The following FRMPD4 variants were observed in gnomAD, a reference collection of about 807,000 sequenced individuals.
FRMPD4 encodes FERM and PDZ domain containing 4, also known as FERM and PDZ domain-containing protein 4.
A neutral mutation model predicts 94.1 loss-of-function variants in FRMPD4; 22 were observed. That is an observed-to-expected ratio of 0.23 (90% CI 0.17 to 0.33). The LOEUF is 0.33. FRMPD4 is among the 10% of genes least tolerant of loss of function. The pLI, the probability that FRMPD4 is intolerant of heterozygous loss-of-function variation, is 1.00. For synonymous variants in FRMPD4, 631 were observed against 548.6 expected, an observed-to-expected ratio of 1.15 and a Z score of -2.10; for missense variants, 1,111 against 1,339.9, an observed-to-expected ratio of 0.83 and a Z score of 2.67.
chrX:12,597,309 G>A lies in FRMPD4; in HGVS notation c.159-12412G>A, dbSNP rs778795495. On this transcript the variant is annotated intron_variant, in intron 2 of 16. Transcript: ENST00000675598. Reference sequence around the variant, plus strand: ...ACATTTTGCCAGCTCTCAATTTATCGTCTTTAACGAGGACAAAAATCTCTC... The same window carrying A: ...ACATTTTGCCAGCTCTCAATTTATCATCTTTAACGAGGACAAAAATCTCTC... 1.5e-3 allele frequency among the ~76,000 whole-genome samples: 163 copies of A among 112,249 alleles called. 1 individual carries two copies. The highest frequency in any genetic ancestry group is 4.9e-3 in the African/African-American group (153 of 30,960).
At chrX:11,868,427 C>T (rs1235476101) in intron 2 of FRMPD4, among the ~76,000 whole-genome samples, 1 of 111,715 alleles carries the variant, frequency 9.0e-6, no homozygotes, top group Non-Finnish European at 1.9e-5. Context: ...GATCAGGCCA[C>T]CTATGCATTT....
chrX:12,649,378 G>A (rs1174618327), intron 4 of FRMPD4, among the ~76,000 whole-genome samples: 1 of 111,656 alleles, frequency 9.0e-6, no homozygotes, highest in Non-Finnish European at 1.9e-5. Flanking sequence ...AATTTTTAAT[G>A]ATTGAATAAC....
chrX:11,868,162 G>A (rs150458104), intron 2 of FRMPD4, among the ~76,000 whole-genome samples: 27 of 112,078 alleles, frequency 2.4e-4, no homozygotes, highest in African/African-American at 7.4e-4. Flanking sequence ...GAAAAGATTC[G>A]ATGAATGACT....
At chrX:11,841,722 C>T (rs1292813469) in intron 1 of FRMPD4, among the ~76,000 whole-genome samples, 1 of 107,447 alleles carries the variant, frequency 9.3e-6, no homozygotes, top group African/African-American at 3.4e-5. Context: ...ATGGTAGTTT[C>T]TTTTGCTGTG....
chrX:12,712,838 G>A (rs764773798), intron 14 of FRMPD4, among the ~76,000 whole-genome samples: 2 of 111,401 alleles, frequency 1.8e-5, no homozygotes, highest in African/African-American at 3.3e-5. Flanking sequence ...CACTTGGGGA[G>A]TCCGAGGCGG....
intron 1 of FRMPD4, among the ~76,000 whole-genome samples, chrX:12,244,096 T>TTTTTGTTTTG (rs373723984): frequency 1.6e-4 from 18 of 109,975 alleles, no homozygotes; most frequent in Admixed American, 7.8e-4. Flanking sequence ...GCACCTGGCG[T>TTTTTGTTTTG]TTTTGTTTTG....
chrX:12,123,123 C>CTTTTTTT (rs58251577), intron 3 of FRMPD4, among the ~76,000 whole-genome samples: 17 of 84,278 alleles, frequency 2.0e-4, no homozygotes, highest in East Asian at 7.8e-4. Context: ...ATTTTCTTTT[C>CTTTTTTT]TTTTTTTTTT....
intron 3 of FRMPD4, among the ~76,000 whole-genome samples, chrX:11,928,472 C>T (rs1429374988): frequency 8.9e-6 from 1 of 111,813 alleles, no homozygotes; most frequent in African/African-American, 3.3e-5. Flanking sequence ...TGGGGAAAAC[C>T]GTGCCCATGA....
chrX:12,013,802 C>G (rs956640112), intron 3 of FRMPD4, among the ~76,000 whole-genome samples: 12 of 112,975 alleles, frequency 1.1e-4, no homozygotes, highest in African/African-American at 3.2e-4. Flanking sequence ...TCAAATGTTT[C>G]CCTTCAGCTG....
intron 1 of FRMPD4, among the ~76,000 whole-genome samples, chrX:12,311,385 T>C (rs1371802258): frequency 6.2e-5 from 7 of 112,687 alleles, no homozygotes; most frequent in East Asian, 5.5e-4. Flanking sequence ...TATGCTGTTA[T>C]TGTTATCGTG....
At chrX:12,504,410 G>A (rs1292690376) in intron 2 of FRMPD4, among the ~76,000 whole-genome samples, 1 of 112,732 alleles carries the variant, frequency 8.9e-6, no homozygotes, top group Non-Finnish European at 1.9e-5. Context: ...ATGTCATTTG[G>A]TTCAATGAGT....
chrX:11,839,614 G>T (rs2053521914), intron 1 of FRMPD4, among the ~76,000 whole-genome samples: 1 of 111,431 alleles, frequency 9.0e-6, no homozygotes, highest in Admixed American at 9.6e-5. Context: ...CAATTTATAA[G>T]TTGAAGGTCA....
chrX:11,975,912 T>G (rs1330560949), intron 3 of FRMPD4, among the ~76,000 whole-genome samples: 3 of 112,205 alleles, frequency 2.7e-5, no homozygotes, highest in African/African-American at 9.7e-5. Flanking sequence ...CAGCTACTAT[T>G]GAAGTTAATG....
intron 4 of FRMPD4, among the ~76,000 whole-genome samples, chrX:12,658,415 T>C (rs1267969480): frequency 2.7e-5 from 3 of 112,099 alleles, no homozygotes; most frequent in African/African-American, 9.7e-5. Context: ...GAAGGAAGTC[T>C]TATCCTAGGT....
At chrX:12,663,798 G>A (rs2059745043) in intron 4 of FRMPD4, among the ~76,000 whole-genome samples, 1 of 112,454 alleles carries the variant, frequency 8.9e-6, no homozygotes, top group South Asian at 3.7e-4. Flanking sequence ...TTGACAGTAT[G>A]GCCATTTTCA....
At chrX:12,386,129 T>C (rs1443226522) in intron 1 of FRMPD4, among the ~76,000 whole-genome samples, 2 of 112,290 alleles carry the variant, frequency 1.8e-5, no homozygotes, top group African/African-American at 6.5e-5. Flanking sequence ...TGCCTCATAA[T>C]TGGAAACAAA....
intron 1 of FRMPD4, among the ~76,000 whole-genome samples, chrX:12,364,180 AT>A (rs1569247036): frequency 9.0e-6 from 1 of 111,168 alleles, no homozygotes; most frequent in Non-Finnish European, 1.9e-5. Context: ...TAGTGTATTC[AT>A]AAAAAGTGTG....
intron 4 of FRMPD4, among the ~76,000 whole-genome samples, chrX:12,661,517 T>C (rs893088598): frequency 1.6e-4 from 18 of 111,995 alleles, no homozygotes; most frequent in African/African-American, 5.2e-4. Flanking sequence ...CTAATGACTA[T>C]GGTGGCTTCA....
chrX:11,870,869 TACTC>T (rs1357996777), intron 2 of FRMPD4, among the ~76,000 whole-genome samples: 2 of 112,578 alleles, frequency 1.8e-5, no homozygotes, highest in African/African-American at 3.2e-5. Context: ...TTGGAGGTCT[TACTC>T]AATTCTTACT....
Sources: gnomAD v4.1 joint callset for allele counts (sites outside exome capture counted in the v4.1 genomes callset) on GRCh38, gnomAD v4.1.1 for gene constraint, MANE v1.5 for transcripts, NCBI Gene and HGNC (gene_info 2026-07-23, HGNC 2026-07-21) for gene names.